Variants in PLEKHG1 observed in about 807,000 individuals in gnomAD.
PLEKHG1 encodes pleckstrin homology and RhoGEF domain containing G1.
A neutral mutation model predicts 100.8 loss-of-function variants in PLEKHG1; 44 were observed. The observed-to-expected ratio is 0.44, with a 90% confidence interval of 0.34 to 0.56. PLEKHG1 has a LOEUF of 0.56. PLEKHG1 is among the 20% of genes least tolerant of loss of function. PLEKHG1 has a pLI of 0.01. For synonymous variants in PLEKHG1, 640 were observed against 662.5 expected (o/e 0.97, Z 0.52); for missense variants, 1,545 against 1,720.9 (o/e 0.90, Z 1.81).
Position 150,802,664 on chromosome 6 carries a change from A to ATT in PLEKHG1, c.780+1809_780+1810dup, listed in dbSNP as rs71554484. Among the ~76,000 whole-genome samples, 481 of 143,420 alleles carry ATT rather than the reference A, an allele frequency of 3.4e-3. 6 individuals carry two copies. Among genetic ancestry groups the ATT allele is most frequent in the East Asian group, 0.017 (82 of 4,902 alleles). 94.1% of individuals were successfully genotyped at this position (143,420 alleles called of 152,430 possible). A position where few individuals can be genotyped will look rare whatever the true frequency, so the allele number is the denominator to read the frequency against. ...GGGCTCCCTCTATGTCATTCACATCATTTTTTTTTTTTTTTGAGATGGAGT... is the reference window on the plus strand; with the variant it reads ...GGGCTCCCTCTATGTCATTCACATCATTTTTTTTTTTTTTTTTGAGATGGAGT... On this transcript the variant is annotated intron_variant, in intron 6 of 15. Coordinates refer to ENST00000358517, the Ensembl canonical transcript of PLEKHG1.
intron 7 of PLEKHG1, among the ~76,000 whole-genome samples, chr6:150,807,624 G>T (rs373545887): frequency 6.6e-6 from 1 of 152,256 alleles, no homozygotes; most frequent in Admixed American, 6.5e-5. Flanking sequence ...GCACTAAAAC[G>T]GGGAGTGGGG....
intron 3 of PLEKHG1, chr6:150,663,198 T>C (rs1779265514): frequency 6.6e-6 from 1 of 152,176 alleles, no homozygotes; most frequent in Admixed American, 6.5e-5. Flanking sequence ...AAATTATCCA[T>C]GTTTTGAGAA....
At chr6:150,808,205 C>G (rs1328858823) in intron 7 of PLEKHG1, among the ~76,000 whole-genome samples, 1 of 151,978 alleles carries the variant, frequency 6.6e-6, no homozygotes, top group African/African-American at 2.4e-5. Flanking sequence ...ACTGTGTACC[C>G]ATAAAATTTT....
chr6:150,740,992 T>TA (rs1449952982), intron 2 of PLEKHG1, among the ~76,000 whole-genome samples: 1 of 152,170 alleles, frequency 6.6e-6, no homozygotes, highest in Non-Finnish European at 1.5e-5. Context: ...ACCTTAACCT[T>TA]ACTCTCGTCT....
At chr6:150,606,623 C>T (rs937505352) in intron 1 of PLEKHG1, among the ~76,000 whole-genome samples, 1 of 152,170 alleles carries the variant, frequency 6.6e-6, no homozygotes, top group Non-Finnish European at 1.5e-5. Flanking sequence ...CTGTTTTCTG[C>T]GCTCACTTTA....
intron 14 of PLEKHG1, among the ~76,000 whole-genome samples, chr6:150,825,204 G>T (rs1776529445): frequency 6.6e-6 from 1 of 151,976 alleles, no homozygotes; most frequent in South Asian, 2.1e-4. Context: ...TGCTTTTTTT[G>T]TGATAAAATT....
intron 14 of PLEKHG1, 116 bp downstream of exon 15, chr6:150,823,792 C>T (rs367846734): frequency 2.7e-6 from 2 of 729,794 alleles, no homozygotes; most frequent in African/African-American, 1.8e-5. Context: ...AGTTATTTTA[C>T]ATTTTGGAAA....
At chr6:150,747,250 C>T (rs749377782) in intron 2 of PLEKHG1, among the ~76,000 whole-genome samples, 5 of 152,168 alleles carry the variant, frequency 3.3e-5, no homozygotes, top group Non-Finnish European at 7.3e-5. Flanking sequence ...GGAGAAGTTT[C>T]CCATGGCCAG....
intron 1 of PLEKHG1, among the ~76,000 whole-genome samples, chr6:150,724,093 T>C (rs1052712303): frequency 2.0e-5 from 3 of 152,238 alleles, no homozygotes; most frequent in African/African-American, 7.2e-5. Context: ...CTAGCACCAG[T>C]GACTGCAAGG....
chr6:150,756,741 AG>A (rs1783859727), intron 2 of PLEKHG1, among the ~76,000 whole-genome samples: 1 of 152,074 alleles, frequency 6.6e-6, no homozygotes, highest in Admixed American at 6.6e-5. Flanking sequence ...ATTTTGATTG[AG>A]GGTTACAGTT....
Position 150,753,287 on chromosome 6 carries a change from AT to A in PLEKHG1, c.412-15349del, listed in dbSNP as rs1359611153. On this transcript the variant is annotated intron_variant, in intron 2 of 15. Transcript: ENST00000358517. Reference sequence around the variant, plus strand: ...TGGGGCAGAATCACCCCTGAAGGACATTGTGGGGTGGGTGTGTGTGTGTTGG... The same window carrying A: ...TGGGGCAGAATCACCCCTGAAGGACATGTGGGGTGGGTGTGTGTGTGTTGG... 8.5e-5 allele frequency among the ~76,000 whole-genome samples: 13 copies of A among 152,138 alleles called. No homozygotes were observed. The East Asian group carries it at 2.3e-3, about 27-fold the overall frequency.
chr6:150,729,075 G>A (rs1429717289), intron 1 of PLEKHG1, among the ~76,000 whole-genome samples: 1 of 152,020 alleles, frequency 6.6e-6, no homozygotes, highest in African/African-American at 2.4e-5. Flanking sequence ...TCTCAATTCA[G>A]ACTGACTGTG....
At chr6:150,839,744 C>T (rs1316889983) in intron 15 of PLEKHG1, 89 bp from the exon 17 acceptor site, 11 of 843,648 alleles carry the variant, frequency 1.3e-5, no homozygotes, top group African/African-American at 5.1e-5. Context: ...TTTTAAAATA[C>T]GTTGGTTAGA....
chr6:150,611,040 T>A (rs1032586658), intron 1 of PLEKHG1, among the ~76,000 whole-genome samples: 1 of 152,214 alleles, frequency 6.6e-6, no homozygotes, highest in Admixed American at 6.5e-5. Context: ...ATAGACCTTT[T>A]GGTAAGGTGG....
chr6:150,676,667 G>A (rs1405419004), intron 3 of PLEKHG1, among the ~76,000 whole-genome samples: 1 of 152,200 alleles, frequency 6.6e-6, no homozygotes, highest in Non-Finnish European at 1.5e-5. Context: ...TACCCTGAAG[G>A]TGAAGCTGGT....
intron 1 of PLEKHG1, among the ~76,000 whole-genome samples, chr6:150,628,806 A>AG (rs1274544250): frequency 6.6e-6 from 1 of 152,194 alleles, no homozygotes; most frequent in Non-Finnish European, 1.5e-5. Flanking sequence ...TAATAGCCCC[A>AG]GGTAATTCAC....
At chr6:150,640,432 T>A (rs1582864901) in intron 2 of PLEKHG1, among the ~76,000 whole-genome samples, 1 of 152,208 alleles carries the variant, frequency 6.6e-6, no homozygotes, top group Non-Finnish European at 1.5e-5. Context: ...ACAGCAAACG[T>A]GTCCCCATCT....
At chr6:150,707,707 G>A (rs915591716) in intron 3 of PLEKHG1, among the ~76,000 whole-genome samples, 1 of 151,930 alleles carries the variant, frequency 6.6e-6, no homozygotes, top group African/African-American at 2.4e-5. Context: ...TTAAACTTGG[G>A]TCATCAATAC....
chr6:150,692,154 CAG>C (rs1780370474), intron 3 of PLEKHG1, among the ~76,000 whole-genome samples: 1 of 152,192 alleles, frequency 6.6e-6, no homozygotes. Context: ...AAAATAAAGA[CAG>C]AGAAATTGCA....
Sources: allele counts gnomAD v4.1 joint callset (sites outside exome capture counted in the v4.1 genomes callset), GRCh38; gene constraint gnomAD v4.1.1; transcripts MANE v1.5; gene names NCBI Gene and HGNC (gene_info 2026-07-23, HGNC 2026-07-21).